The following RIN3 variants were observed in gnomAD, a reference collection of about 807,000 sequenced individuals.
RIN3 encodes RAB5 interacting protein 3.
RIN3 carries 54 observed loss-of-function variants against 76.3 expected under a neutral mutation model. The ratio of observed to expected loss-of-function variants is 0.71; its 90% CI spans 0.57 to 0.89. RIN3 has a LOEUF of 0.89. Ranked by LOEUF, RIN3 falls within the 40% of genes least tolerant of loss-of-function variation. RIN3 has a pLI of 0.00. For missense variants in RIN3, 1,256 were observed against 1,322.1 expected (o/e 0.95, Z 0.78); for synonymous variants, 576 against 564.0 (o/e 1.02, Z -0.30).
chr14:92,657,409 G>T (rs1887712207), intron 6 of RIN3, among the ~76,000 whole-genome samples: 1 of 152,070 alleles, frequency 6.6e-6, no homozygotes. Context: ...CATGCTTAGG[G>T]TGCTTCTGGT....
intron 7 of RIN3, among the ~76,000 whole-genome samples, chr14:92,665,268 G>A (rs968648489): frequency 2.6e-5 from 4 of 151,268 alleles, no homozygotes; most frequent in Non-Finnish European, 5.9e-5. Context: ...TGCAGTAAAA[G>A]TCTGGCATTA....
At chr14:92,603,369 C>T (rs1459171560) in intron 3 of RIN3, among the ~76,000 whole-genome samples, 2 of 152,218 alleles carry the variant, frequency 1.3e-5, no homozygotes, top group African/African-American at 4.8e-5. Context: ...AGCCCCCTGC[C>T]CAGGTCTTGG....
chr14:92,674,410 A>G (rs1166351906), intron 7 of RIN3, among the ~76,000 whole-genome samples: 2 of 152,228 alleles, frequency 1.3e-5, no homozygotes, highest in Non-Finnish European at 2.9e-5. Context: ...CCTGGGCAAC[A>G]TGGCGAAACC....
At chr14:92,581,411 G>A (rs894530662) in intron 3 of RIN3, among the ~76,000 whole-genome samples, 1 of 152,188 alleles carries the variant, frequency 6.6e-6, no homozygotes, top group Admixed American at 6.5e-5. Context: ...AATTTCCACA[G>A]CAACATTGGG....
intron 1 of RIN3, among the ~76,000 whole-genome samples, chr14:92,551,993 A>G (rs1195482872): frequency 6.6e-6 from 1 of 152,196 alleles, no homozygotes; most frequent in Non-Finnish European, 1.5e-5. Flanking sequence ...AAGGAGGTGC[A>G]GGTGGACAGA....
intron 4 of RIN3, among the ~76,000 whole-genome samples, chr14:92,618,634 C>T (rs905431086): frequency 6.6e-6 from 1 of 152,202 alleles, no homozygotes; most frequent in Non-Finnish European, 1.5e-5. Context: ...AACCAGAACA[C>T]ATGCACTGAA....
intron 3 of RIN3, among the ~76,000 whole-genome samples, chr14:92,606,789 T>C (rs1885542839): frequency 6.6e-6 from 1 of 152,156 alleles, no homozygotes; most frequent in Non-Finnish European, 1.5e-5. Context: ...GAAATTAGAA[T>C]CCTCACGGTG....
intron 1 of RIN3, among the ~76,000 whole-genome samples, chr14:92,529,803 G>A (rs1181537703): frequency 6.6e-6 from 1 of 152,216 alleles, no homozygotes; most frequent in Admixed American, 6.5e-5. Context: ...CTAAGTGCAA[G>A]AAGGCTGTGA....
At chr14:92,587,698 A>C (rs1884827302) in intron 3 of RIN3, among the ~76,000 whole-genome samples, 1 of 151,662 alleles carries the variant, frequency 6.6e-6, no homozygotes, top group Non-Finnish European at 1.5e-5. Context: ...CACTGCACAG[A>C]CACCCCTCTT....
chr14:92,529,020 G>A (rs907787270), intron 1 of RIN3, among the ~76,000 whole-genome samples: 3 of 152,122 alleles, frequency 2.0e-5, no homozygotes, highest in Non-Finnish European at 2.9e-5. Flanking sequence ...TGGGCTCCAA[G>A]GAGGGAGGTT....
intron 2 of RIN3, among the ~76,000 whole-genome samples, chr14:92,556,835 T>C (rs1201484599): frequency 6.6e-6 from 1 of 152,238 alleles, no homozygotes; most frequent in Non-Finnish European, 1.5e-5. Context: ...CCACCTACTG[T>C]AACCAAACTC....
intron 2 of RIN3, among the ~76,000 whole-genome samples, chr14:92,564,552 G>A (rs1404388816): frequency 1.3e-5 from 2 of 152,178 alleles, no homozygotes; most frequent in South Asian, 2.1e-4. Flanking sequence ...CTCAGAAAGG[G>A]GAAGTGACTT....
At chr14:92,536,043 A>G (rs1896992761) in intron 1 of RIN3, among the ~76,000 whole-genome samples, 1 of 152,098 alleles carries the variant, frequency 6.6e-6, no homozygotes, top group Non-Finnish European at 1.5e-5. Flanking sequence ...GTGACTGTAA[A>G]TGTGCGGCTC....
chr14:92,659,310 G>T lies in RIN3; in HGVS notation c.2176G>T (p.Asp726Tyr). 1.2e-6 allele frequency: 2 copies of T among 1,613,318 alleles called. No individual in the cohort carries two copies. The highest frequency in any genetic ancestry group is 1.7e-6 in the Non-Finnish European group (2 of 1,179,550). Residue 726 changes from aspartate to tyrosine, a missense_variant, in exon 7 of 10, where the codon GAC (aspartate) becomes TAC (tyrosine). By Grantham distance (160) the Asp-to-Tyr change is radical. This residue lies in a region of RIN3 where 428 missense variants were observed against 521.2 expected (regional missense o/e 0.82). Transcript: ENST00000216487. ...QLVILATTTT[D>Y]LGVTTSVPEV... ...AGTGATCCTGGCCACCACCACCACT[G>T]ACCTAGGTGTGACCACCAGCGTGCC...
In RIN3 at chr14:92,648,993, G is replaced by A. The variant is rs1566885167; in HGVS notation, c.533-2589G>A. Among the ~76,000 whole-genome samples, 1 of 152,184 alleles carries A rather than the reference G, an allele frequency of 6.6e-6. No homozygotes were observed. The highest frequency in any genetic ancestry group is 1.5e-5 in the Non-Finnish European group (1 of 68,022). Reference sequence around the variant, plus strand: ...ATGGCACGTGGAGGAAGGAGTGAACGGCAGATAGAGTGGAGTGAAGACTCG... The same window carrying A: ...ATGGCACGTGGAGGAAGGAGTGAACAGCAGATAGAGTGGAGTGAAGACTCG... On this transcript the variant is annotated intron_variant, in intron 5 of 9. Transcript: ENST00000216487. This position sits in a 1 kb window ranked among gnomAD's most constrained non-coding sequence, Gnocchi z 4.1.
rs764857262 is a variant in RIN3, at chr14:92,684,983, G to A, written c.2468-4G>A. ...GCTCAGATTCCACACCCTTGTCCAC[G>A]CAGGTTCCTACTATCTGACCACCAC... On this transcript the variant is annotated splice_region_variant and splice_polypyrimidine_tract_variant and intron_variant, in intron 8 of 9. Coordinates refer to ENST00000216487, the MANE Select transcript of RIN3 (RefSeq NM_024832.5). 6.2e-6 allele frequency: 10 copies of A among 1,608,232 alleles called. No homozygotes were observed. The highest frequency in any genetic ancestry group is 8.5e-6 in the Non-Finnish European group (10 of 1,175,272).
At chr14:92,687,641 G>A in intron 9 of RIN3, 1 of 471,512 alleles carries the variant, frequency 2.1e-6, no homozygotes, top group Non-Finnish European at 3.7e-6. Context: ...ATGATGGGGA[G>A]CCTGTGGACC....
chr14:92,592,437 G>A (rs181689567), intron 3 of RIN3, among the ~76,000 whole-genome samples: 1 of 150,128 alleles, frequency 6.7e-6, no homozygotes, highest in Non-Finnish European at 1.5e-5. Context: ...GTTCCTTGGT[G>A]TCTGTGGGGG....
intron 8 of RIN3, among the ~76,000 whole-genome samples, chr14:92,682,142 C>A (rs966901360): frequency 1.3e-5 from 2 of 152,226 alleles, no homozygotes. Flanking sequence ...CCGTCTCAGC[C>A]TCCCAAAGTG....
Sources: gnomAD v4.1 joint callset for allele counts (sites outside exome capture counted in the v4.1 genomes callset) on GRCh38, gnomAD v4.1.1 for gene constraint, gnomAD v4.1.1 regional missense constraint, Gnocchi (gnomAD v3.1) non-coding constraint, MANE v1.5 for transcripts, NCBI Gene and HGNC (gene_info 2026-07-23, HGNC 2026-07-21) for gene names.